The following RBFOX1 variants were observed in gnomAD, a reference collection of about 807,000 sequenced individuals.
The protein encoded by RBFOX1 is RNA binding fox-1 homolog 1.
A neutral mutation model predicts 57.7 loss-of-function variants in RBFOX1; 8 were observed. The observed-to-expected ratio is 0.14, with a 90% CI of 0.08 to 0.25. RBFOX1 has a LOEUF of 0.25. RBFOX1 is among the 10% of genes least tolerant of loss of function. The pLI is 1.00. For missense variants in RBFOX1, 611 were observed against 548.5 expected (o/e 1.11, Z -1.14); for synonymous variants, 326 against 222.4 (o/e 1.47, Z -4.15).
At chr16:5,804,498 T>C (rs1466573491) in intron 3 of RBFOX1, among the ~76,000 whole-genome samples, 1 of 152,168 alleles carries the variant, frequency 6.6e-6, no homozygotes, top group Non-Finnish European at 1.5e-5. Context: ...CCCTGGGGTA[T>C]TTCCTAAACT....
chr16:5,815,662 A>C (rs2055607924), intron 3 of RBFOX1, among the ~76,000 whole-genome samples: 1 of 152,184 alleles, frequency 6.6e-6, no homozygotes, highest in African/African-American at 2.4e-5. Context: ...AGGTGTGTGA[A>C]GGTCCTCAAA....
chr16:6,698,365 T>C (rs1440197723), intron 3 of RBFOX1, among the ~76,000 whole-genome samples: 2 of 152,184 alleles, frequency 1.3e-5, no homozygotes, highest in African/African-American at 2.4e-5. Context: ...GTGCAAATTT[T>C]TAAGAGAACA....
chr16:6,882,277 G>C (rs1448305520), intron 3 of RBFOX1, among the ~76,000 whole-genome samples: 1 of 152,156 alleles, frequency 6.6e-6, no homozygotes, highest in Non-Finnish European at 1.5e-5. Context: ...AACAGAGGAT[G>C]ATGGGGAGGA....
In RBFOX1 at chr16:6,779,571, GT is replaced by G. The variant is rs1243604088; in HGVS notation, c.-16+124927del. 4.7e-5 allele frequency among the ~76,000 whole-genome samples: 7 copies of G among 149,016 alleles called. No individual in the cohort carries two copies. In the Admixed American group the frequency reaches 4.8e-4, roughly 10 times the overall value. On this transcript the variant is annotated intron_variant, in intron 3 of 15. Transcript: ENST00000550418. ...CTAAATTATGTTAGTGTTAGTTTTA[GT>G]TTTTTGAAGAACCTCCATACTATTC...
intron 4 of RBFOX1, among the ~76,000 whole-genome samples, chr16:5,895,226 T>G (rs1314791179): frequency 3.9e-5 from 6 of 152,256 alleles, no homozygotes; most frequent in Non-Finnish European, 7.3e-5. Context: ...CTTAACTTAG[T>G]TGAGGCAGTT....
chr16:5,456,359 C>T (rs1156263017), intron 1 of RBFOX1, among the ~76,000 whole-genome samples: 3 of 152,156 alleles, frequency 2.0e-5, no homozygotes, highest in African/African-American at 7.2e-5. Flanking sequence ...CTCGCCTTGT[C>T]TGTCATCATG....
At chr16:5,655,823 C>A (rs1244442381) in intron 3 of RBFOX1, among the ~76,000 whole-genome samples, 1 of 152,192 alleles carries the variant, frequency 6.6e-6, no homozygotes, top group Non-Finnish European at 1.5e-5. Flanking sequence ...GCTGTTGAAG[C>A]CTCCATTTGA....
chr16:6,759,663 C>A (rs148974629), intron 3 of RBFOX1, among the ~76,000 whole-genome samples: 158 of 152,200 alleles, frequency 1.0e-3, no homozygotes, highest in African/African-American at 3.6e-3. Context: ...TTTTCACTTT[C>A]TCTTTGCCTT....
At chr16:6,034,466 C>G (rs1229489311) in intron 1 of RBFOX1, among the ~76,000 whole-genome samples, 1 of 151,472 alleles carries the variant, frequency 6.6e-6, no homozygotes, top group African/African-American at 2.4e-5. Flanking sequence ...GTGAGGGATG[C>G]CCGCTCTGCA....
chr16:6,988,741 TTGTTTGTTTGTTTTTTG>T (rs1406923235), intron 3 of RBFOX1, among the ~76,000 whole-genome samples: 2 of 50,974 alleles, frequency 3.9e-5, no homozygotes, highest in African/African-American at 1.7e-4. Flanking sequence ...ATTTTTTTTT[TTGTTTGTTTGTTTTTTG>T]TTTTTTGTTT....
intron 4 of RBFOX1, among the ~76,000 whole-genome samples, chr16:7,310,220 G>T (rs894141452): frequency 6.6e-6 from 1 of 152,200 alleles, no homozygotes; most frequent in African/African-American, 2.4e-5. Flanking sequence ...AGCTGGCCAG[G>T]GTTCTCTCTG....
intron 2 of RBFOX1, among the ~76,000 whole-genome samples, chr16:5,514,819 C>T (rs2043731514): frequency 6.6e-6 from 1 of 152,004 alleles, no homozygotes; most frequent in Non-Finnish European, 1.5e-5. Context: ...TTCTGCCTTC[C>T]AGGAAGCATT....
At chr16:7,652,238 T>C (rs763032363) in intron 11 of RBFOX1, among the ~76,000 whole-genome samples, 5 of 152,040 alleles carry the variant, frequency 3.3e-5, no homozygotes, top group Non-Finnish European at 7.4e-5. Context: ...TGGGCCCTGA[T>C]GAGTTAGTTA....
At chr16:6,919,836 T>C (rs1446834753) in intron 3 of RBFOX1, among the ~76,000 whole-genome samples, 2 of 148,556 alleles carry the variant, frequency 1.3e-5, no homozygotes, top group Non-Finnish European at 3.0e-5. Context: ...TTTTGTTAAA[T>C]GGTTAAGTTG....
intron 3 of RBFOX1, among the ~76,000 whole-genome samples, chr16:6,765,879 A>T (rs1216749104): frequency 6.6e-6 from 1 of 152,188 alleles, no homozygotes; most frequent in African/African-American, 2.4e-5. Flanking sequence ...GTAACTCTGA[A>T]ATCAAAAAGC....
intron 3 of RBFOX1, among the ~76,000 whole-genome samples, chr16:5,812,619 C>G (rs2055475043): frequency 6.6e-6 from 1 of 151,932 alleles, no homozygotes. Context: ...GCCATCATGT[C>G]CAGAAAATTC....
chr16:5,750,285 G>T (rs1008716712), intron 3 of RBFOX1, among the ~76,000 whole-genome samples: 1 of 152,190 alleles, frequency 6.6e-6, no homozygotes, highest in Non-Finnish European at 1.5e-5. Context: ...TACTGTGGGG[G>T]TGCCTCCCAG....
intron 11 of RBFOX1, among the ~76,000 whole-genome samples, chr16:7,646,968 C>G (rs1403941114): frequency 1.3e-5 from 2 of 152,132 alleles, no homozygotes; most frequent in Admixed American, 6.5e-5. Context: ...GAGGGGGAGA[C>G]AGGCAGTTAG....
intron 4 of RBFOX1, among the ~76,000 whole-genome samples, chr16:7,151,272 T>G (rs996289476): frequency 6.6e-6 from 1 of 152,200 alleles, no homozygotes; most frequent in Admixed American, 6.5e-5. Flanking sequence ...TTCACTTGGA[T>G]TCAGAATGGT....
Sources: gnomAD v4.1 joint callset for allele counts (sites outside exome capture counted in the v4.1 genomes callset) on GRCh38, gnomAD v4.1.1 for gene constraint, MANE v1.5 for transcripts, NCBI Gene and HGNC (gene_info 2026-07-23, HGNC 2026-07-21) for gene names.